Variants in CHD1 observed in about 807,000 individuals in gnomAD.
CHD1 encodes the protein chromodomain helicase DNA binding protein 1, also known as ATP-dependent chromatin remodeler CHD1.
CHD1 carries 36 observed loss-of-function variants against 224.2 expected under a neutral mutation model. That is an observed-to-expected ratio of 0.16 (90% CI 0.12 to 0.21). The LOEUF (loss-of-function observed/expected upper bound fraction) is 0.21. Ranked by LOEUF, CHD1 falls within the 10% of genes least tolerant of loss-of-function variation. The probability of loss-of-function intolerance (pLI) is 1.00; values close to 1 mark genes in which losing one functional copy is unlikely to be tolerated. For missense variants in CHD1, 1,378 were observed against 1,994.8 expected (o/e 0.69, Z 5.89); for synonymous variants, 668 against 658.3 (o/e 1.01, Z -0.23).
chr5:98,881,660 T>C (rs1750198740), intron 20 of CHD1, among the ~76,000 whole-genome samples: 1 of 152,100 alleles, frequency 6.6e-6, no homozygotes, highest in South Asian at 2.1e-4. Context: ...CAGTTGTGTG[T>C]CACCATGCCC....
chr5:98,888,094 G>A lies in CHD1; in HGVS notation c.2490C>T (p.Pro830=). 1.9e-6 allele frequency: 3 copies of A among 1,577,822 alleles called. No individual in the cohort carries two copies. The highest frequency in any genetic ancestry group is 2.6e-6 in the Non-Finnish European group (3 of 1,158,284). The change falls in exon 17 of 36, where the codon CCC becomes CCT. Residue 830 remains proline, a synonymous_variant. Transcript: ENST00000614616. ...AATACAATTAAATGCTTACTTGAAA[G>A]GGGAATTGACGATATTTCAAATATT... is the stretch of plus-strand genomic sequence containing the variant. ...LAEYLKYRQF[P]FQRLDGSIKG...
Position 98,859,972 on chromosome 5 carries a change from C to T in CHD1, c.4524G>A (p.Gln1508=). The part of the protein sequence containing the change: ...KHAIKKRQES[Q]QNSDQNSNLN... Reference sequence around the variant, plus strand: ...GGAAAAAATATGATGTCAAGTTTACCTGAGACTCCTGCCGTTTTTTAATAG... The same window carrying T: ...GGAAAAAATATGATGTCAAGTTTACTTGAGACTCCTGCCGTTTTTTAATAG... The change falls in exon 33 of 36, where the codon CAG becomes CAA. Residue 1508 remains glutamine, a splice_region_variant and synonymous_variant. Transcript: ENST00000614616. The T allele has an allele frequency of 2.1e-6, 3 of 1,461,352 alleles. No individual in the cohort carries two copies. The highest frequency in any genetic ancestry group is 2.9e-5 in the African/African-American group (2 of 69,652). The allele number at this position is 1,461,352 out of a possible 1,614,324, so 90.5% of individuals were successfully genotyped here.
chr5:98,864,958 T>A (rs1265204346), intron 31 of CHD1, among the ~76,000 whole-genome samples: 1 of 152,196 alleles, frequency 6.6e-6, no homozygotes, highest in East Asian at 1.9e-4. Context: ...AATAGAGCTG[T>A]AAGTAAAACA....
chr5:98,925,429 T>A (rs1021646526), intron 2 of CHD1, among the ~76,000 whole-genome samples: 1 of 152,138 alleles, frequency 6.6e-6, no homozygotes, highest in African/African-American at 2.4e-5. Flanking sequence ...AATAGTTTAA[T>A]CCCCTCTTTA....
intron 33 of CHD1, 106 bp from the exon 34 acceptor site, chr5:98,859,121 A>G (rs1748272263): frequency 1.2e-6 from 1 of 804,060 alleles, no homozygotes. Flanking sequence ...TTCACACAAG[A>G]TATTAGAATG....
At chr5:98,923,566 C>T (rs545813631) in intron 2 of CHD1, among the ~76,000 whole-genome samples, 2 of 151,942 alleles carry the variant, frequency 1.3e-5, no homozygotes, top group African/African-American at 4.8e-5. Flanking sequence ...GATTACAGGC[C>T]ACCACACCCA....
intron 18 of CHD1, chr5:98,883,931 T>A: frequency 6.9e-6 from 1 of 144,064 alleles, no homozygotes; most frequent in Non-Finnish European, 1.3e-5. Flanking sequence ...AACCTCCACC[T>A]CCTAGGTTCA....
chr5:98,866,144 A>ACAAAAG (rs1733724271), intron 31 of CHD1, among the ~76,000 whole-genome samples: 1 of 152,116 alleles, frequency 6.6e-6, no homozygotes, highest in African/African-American at 2.4e-5. Flanking sequence ...AAAAACAAAA[A>ACAAAAG]CGGTTACCCT....
rs1481130585 is a variant in CHD1, at chr5:98,926,476, A to C, written c.-90T>G. ...AAATACTGACTCCTTGAATATAAAA[A>C]TTCACAGATGAATTTTCTTCAACAG... On this transcript the variant is annotated 5_prime_UTR_variant, in exon 2 of 36. Coordinates refer to ENST00000614616, the MANE Select transcript of CHD1 (RefSeq NM_001270.4). 1.7e-6 allele frequency: 1 copy of C among 602,718 alleles called. No homozygotes were observed. The allele number at this position is 602,718 out of a possible 1,614,324, so 37.3% of individuals were successfully genotyped here. A position where few individuals can be genotyped will look rare whatever the true frequency, so the allele number is the denominator to read the frequency against.
chr5:98,881,442 T>G (rs909457637), intron 20 of CHD1, 67 bp from the exon 21 acceptor site: 11 of 696,832 alleles, frequency 1.6e-5, no homozygotes, highest in Non-Finnish European at 2.6e-5. Context: ...ACAGCACTTT[T>G]ATTAATTACT....
chr5:98,896,728 A>G (rs1374002354), intron 11 of CHD1, among the ~76,000 whole-genome samples: 2 of 151,990 alleles, frequency 1.3e-5, no homozygotes, highest in Non-Finnish European at 2.9e-5. Flanking sequence ...AATGCAATTC[A>G]TCTACTAGTA....
intron 8 of CHD1, 76 bp downstream of exon 8, chr5:98,899,404 A>G (rs1751547869): frequency 2.2e-6 from 2 of 907,724 alleles, no homozygotes; most frequent in East Asian, 2.5e-5. Flanking sequence ...TAATGTTACT[A>G]TGTATTCTTT....
intron 2 of CHD1, among the ~76,000 whole-genome samples, chr5:98,916,613 A>ACTGC (rs1383425225): frequency 2.0e-5 from 3 of 151,898 alleles, no homozygotes; most frequent in Non-Finnish European, 2.9e-5. Flanking sequence ...TTTAATGAAT[A>ACTGC]CTGCCACAAA....
chr5:98,928,708 T>C lies in CHD1; in HGVS notation c.-318A>G, dbSNP rs190797416. On this transcript the variant is annotated 5_prime_UTR_variant, in exon 1 of 36. Transcript: ENST00000614616. ...CGCGGAGGGGAAGGGGAAGCCCCGG[T>C]CCGCAGCACCAACGCGCGATCCCCT... 4.7e-4 allele frequency: 72 copies of C among 153,798 alleles called. 1 individual carries two copies. In the East Asian group the frequency reaches 8.9e-3, roughly 19 times the overall value. 9.5% of individuals were successfully genotyped at this position (153,798 alleles called of 1,614,324 possible).
At chr5:98,927,554 T>A (rs1053827536) in intron 1 of CHD1, among the ~76,000 whole-genome samples, 1 of 152,228 alleles carries the variant, frequency 6.6e-6, no homozygotes, top group East Asian at 1.9e-4. Context: ...TTCTCTAGAC[T>A]ACTGTCCAGT....
chr5:98,878,714 A>G (rs774371521), intron 23 of CHD1, among the ~76,000 whole-genome samples: 24 of 152,212 alleles, frequency 1.6e-4, no homozygotes, highest in Non-Finnish European at 3.5e-4. Flanking sequence ...CATAGTTGAA[A>G]AATTTCCTAA....
chr5:98,926,421 A>G lies in CHD1; in HGVS notation c.-35T>C. On this transcript the variant is annotated 5_prime_UTR_variant, in exon 2 of 36. Transcript: ENST00000614616. ...TTATCAAGAAGTTTTAAAGTAAAAT[A>G]TAAATCTTCCCAGTTTAAAAGATGA... is the stretch of plus-strand genomic sequence containing the variant. 1 of 1,169,564 alleles carries G rather than the reference A, an allele frequency of 8.6e-7. No individual in the cohort carries two copies. Among genetic ancestry groups the G allele is most frequent in the South Asian group, 1.5e-5 (1 of 65,836 alleles). 72.4% of individuals were successfully genotyped at this position (1,169,564 alleles called of 1,614,324 possible).
intron 26 of CHD1, 21 bp downstream of exon 26, chr5:98,873,572 T>A (rs1749525887): frequency 6.5e-7 from 1 of 1,538,164 alleles, no homozygotes; most frequent in Non-Finnish European, 8.7e-7. Context: ...CTCTTTTAAA[T>A]CACTCTCAGT....
chr5:98,927,611 CATTT>C (rs1261263696), intron 1 of CHD1, among the ~76,000 whole-genome samples: 3 of 152,238 alleles, frequency 2.0e-5, no homozygotes, highest in South Asian at 4.1e-4. Context: ...TTCTACTCAA[CATTT>C]ATTCCTAATG....
Sources: allele counts gnomAD v4.1 joint callset (sites outside exome capture counted in the v4.1 genomes callset), GRCh38; gene constraint gnomAD v4.1.1; transcripts MANE v1.5; gene names NCBI Gene and HGNC (gene_info 2026-07-23, HGNC 2026-07-21).